Variants in GCNA observed in about 807,000 individuals in gnomAD.
GCNA encodes germ cell nuclear acidic peptidase.
GCNA carries 3 observed loss-of-function variants against 38.8 expected under a neutral mutation model. The ratio of observed to expected loss-of-function variants is 0.08; its 90% confidence interval spans 0.04 to 0.20. The LOEUF (loss-of-function observed/expected upper bound fraction) is 0.20, where lower values mean the gene tolerates loss of function less well. Ranked by LOEUF, GCNA falls within the 10% of genes least tolerant of loss-of-function variation. The pLI is 1.00. For synonymous variants in GCNA, 195 were observed against 240.2 expected (o/e 0.81, Z 1.74); for missense variants, 446 against 578.6 (o/e 0.77, Z 2.35).
At chrX:71,587,791 T>C (rs2040594534) in intron 2 of GCNA, among the ~76,000 whole-genome samples, 1 of 110,675 alleles carries the variant, frequency 9.0e-6, no homozygotes, top group Non-Finnish European at 1.9e-5. Context: ...GATTTCTTTT[T>C]TTTTTTTTAA....
chrX:71,582,010 A>C (rs1024675282), intron 2 of GCNA, among the ~76,000 whole-genome samples: 4 of 110,433 alleles, frequency 3.6e-5, no homozygotes, highest in Non-Finnish European at 7.6e-5. Context: ...TCAGACATTA[A>C]AATTTTCAGC....
At chrX:71,593,116 A>G (rs1330993806) in intron 4 of GCNA, among the ~76,000 whole-genome samples, 4 of 110,643 alleles carry the variant, frequency 3.6e-5, no homozygotes, top group African/African-American at 9.8e-5. Flanking sequence ...CTGGTCTTGA[A>G]CTCCTGACCT....
Position 71,605,607 on chromosome X carries a change from G to T in GCNA, c.1400-56G>T, listed in dbSNP as rs1304736802. 9 of 1,051,769 alleles carry T rather than the reference G, an allele frequency of 8.6e-6. No individual in the cohort carries two copies. The African/African-American group carries it at 1.7e-4, about 20-fold the overall frequency. The allele number at this position is 1,051,769 out of a possible 1,213,427, so 86.7% of individuals were successfully genotyped here. On this transcript the variant is annotated intron_variant, in intron 8 of 12. Transcript: ENST00000373696. ...TTGGGTTTACCTTTCTGTTGGTCTC[G>T]TGATGGTACCAATTTTCGGGGTACA...
At chrX:71,589,339 A>C (rs1022358815) in intron 2 of GCNA, among the ~76,000 whole-genome samples, 1 of 104,335 alleles carries the variant, frequency 9.6e-6, no homozygotes, top group Admixed American at 1.1e-4. Context: ...TACAGTGGCT[A>C]TTCACAGGTG....
chrX:71,578,878 G>A (rs1203554309), intron 1 of GCNA, among the ~76,000 whole-genome samples: 2 of 108,569 alleles, frequency 1.8e-5, no homozygotes, highest in Non-Finnish European at 3.9e-5. Context: ...GCCTGGTGGT[G>A]GCGTAGAAGG....
chrX:71,593,219 C>A (rs894512662), intron 4 of GCNA, among the ~76,000 whole-genome samples: 1 of 112,035 alleles, frequency 8.9e-6, no homozygotes, highest in African/African-American at 3.2e-5. Flanking sequence ...GTATGTAGAG[C>A]CTGGACTTCC....
chrX:71,606,290 G>A (rs1237709453), intron 9 of GCNA, among the ~76,000 whole-genome samples: 1 of 112,215 alleles, frequency 8.9e-6, no homozygotes, highest in East Asian at 2.8e-4. Flanking sequence ...GAATTTTTAA[G>A]CTTAAATATT....
At position 71,612,494 on chromosome X, in the gene GCNA, C is replaced by T; in HGVS notation, c.1890C>T (p.Val630=). ...GGATACACCCGGAGCTGCCCAGGGT[C>T]ACCCGTTGCCATAACTATAAGATTA... The part of the protein sequence containing the change: ...SNRIHPELPR[V]TRCHNYKINY... Residue 630 remains valine (V), a synonymous_variant, in exon 12 of 13, where the codon GTC becomes GTT. Coordinates refer to ENST00000373696, the MANE Select transcript of GCNA (RefSeq NM_052957.5). 2 of 1,209,782 alleles carry T rather than the reference C, an allele frequency of 1.7e-6. No homozygotes were observed. The highest frequency in any genetic ancestry group is 2.2e-6 in the Non-Finnish European group (2 of 894,847).
At chrX:71,586,182 A>G (rs1025563010) in intron 2 of GCNA, among the ~76,000 whole-genome samples, 2 of 104,906 alleles carry the variant, frequency 1.9e-5, no homozygotes, top group Non-Finnish European at 3.9e-5. Context: ...ACTTGGTATT[A>G]TGAAAGTCTA....
chrX:71,612,848 C>G lies in GCNA; in HGVS notation c.1956-14C>G, dbSNP rs758041632. The G allele has an allele frequency of 8.3e-7, 1 of 1,207,586 alleles. No homozygotes were observed. Among genetic ancestry groups the G allele is most frequent in the Admixed American group, 2.2e-5 (1 of 45,398 alleles). ...ACTGATTCTTTTGTTGTGTGTTGTT[C>G]CATTCCTTCCCAGGATTGGCTGCTA... On this transcript the variant is annotated splice_polypyrimidine_tract_variant and intron_variant, in intron 12 of 12. Transcript: ENST00000373696.
At chrX:71,584,880 GA>G (rs771977223) in intron 2 of GCNA, among the ~76,000 whole-genome samples, 3 of 110,471 alleles carry the variant, frequency 2.7e-5, no homozygotes, top group South Asian at 3.8e-4. Context: ...AATAAAAAAA[GA>G]AAAAAAATGA....
rs753980184 is a variant in GCNA, at chrX:71,598,128, T to C, written c.310+90T>C. On this transcript the variant is annotated intron_variant, in intron 7 of 12. Coordinates refer to ENST00000373696, the MANE Select transcript of GCNA (RefSeq NM_052957.5). Reference sequence around the variant, plus strand: ...TCAGGATCAGAGTCCGCAGACTTTCTATTCAGAATCCCTCAGTAGTGAGTG... The same window carrying C: ...TCAGGATCAGAGTCCGCAGACTTTCCATTCAGAATCCCTCAGTAGTGAGTG... 72 of 652,408 alleles carry C rather than the reference T, an allele frequency of 1.1e-4. No individual in the cohort carries two copies. In the Middle Eastern group the frequency reaches 2.2e-3, roughly 20 times the overall value. 53.8% of individuals were successfully genotyped at this position (652,408 alleles called of 1,213,427 possible). A position where few individuals can be genotyped will look rare whatever the true frequency, so the allele number is the denominator to read the frequency against.
Position 71,589,369 on chromosome X carries a change from C to T in GCNA, c.60-2753C>T, listed in dbSNP as rs1319225523. On this transcript the variant is annotated intron_variant, in intron 2 of 12. Coordinates refer to ENST00000373696, the MANE Select transcript of GCNA (RefSeq NM_052957.5). ...CAGGTGTGATCATGGTGCACTGAGGCCTCCACCTCCTGGGCTCATGCAGTC... is the reference window on the plus strand; with the variant it reads ...CAGGTGTGATCATGGTGCACTGAGGTCTCCACCTCCTGGGCTCATGCAGTC... Among the ~76,000 whole-genome samples the T allele has an allele frequency of 6.6e-5, 7 of 105,451 alleles. No individual in the cohort carries two copies. In the Admixed American group the frequency reaches 7.3e-4, roughly 11 times the overall value. 91.6% of individuals were successfully genotyped at this position (105,451 alleles called of 115,157 possible).
At chrX:71,611,034 C>G (rs751418097) in intron 11 of GCNA, among the ~76,000 whole-genome samples, 6 of 112,527 alleles carry the variant, frequency 5.3e-5, no homozygotes, top group Non-Finnish European at 1.1e-4. Context: ...CTGCCTTTCT[C>G]TCTGCATTTC....
intron 2 of GCNA, among the ~76,000 whole-genome samples, chrX:71,585,236 C>T (rs1361495102): frequency 2.7e-5 from 3 of 110,427 alleles, no homozygotes; most frequent in Non-Finnish European, 5.7e-5. Flanking sequence ...ATTGCTTGAG[C>T]CCAGCAGGTG....
At chrX:71,593,231 T>G (rs1292391876) in intron 4 of GCNA, among the ~76,000 whole-genome samples, 4 of 112,098 alleles carry the variant, frequency 3.6e-5, no homozygotes, top group Non-Finnish European at 7.5e-5. Context: ...TGGACTTCCT[T>G]ATAGCTATTA....
Position 71,591,862 on chromosome X carries a change from G to C in GCNA, c.60-260G>C, listed in dbSNP as rs749618571. Among the ~76,000 whole-genome samples, 12 of 112,124 alleles carry C rather than the reference G, an allele frequency of 1.1e-4. No individual in the cohort carries two copies. In the South Asian group the frequency reaches 4.1e-3, roughly 38 times the overall value. On this transcript the variant is annotated intron_variant, in intron 2 of 12. Transcript: ENST00000373696. ...CTTGGCAGAAAACAGGCTTTTCACT[G>C]ATAGCTAGCGATAACTCATCTAACA...
chrX:71,579,075 G>A (rs1024273170), intron 1 of GCNA, among the ~76,000 whole-genome samples: 1 of 106,962 alleles, frequency 9.3e-6, no homozygotes, highest in Non-Finnish European at 1.9e-5. Flanking sequence ...GGAAGTGGGA[G>A]CGCTGGTGGT....
Position 71,612,985 on chromosome X carries a change from A to G in GCNA, c.*3A>G. Reference sequence around the variant, plus strand: ...CCCGTATTGTGCCCCACGTGTGACCATTTGCTGTGTATGTGCAGAAGTATT... The same window carrying G: ...CCCGTATTGTGCCCCACGTGTGACCGTTTGCTGTGTATGTGCAGAAGTATT... On this transcript the variant is annotated 3_prime_UTR_variant, in exon 13 of 13. Transcript: ENST00000373696. 8.3e-7 allele frequency: 1 copy of G among 1,211,196 alleles called. No individual in the cohort carries two copies. Among genetic ancestry groups the G allele is most frequent in the Non-Finnish European group, 1.1e-6 (1 of 895,264 alleles).
Sources: allele counts gnomAD v4.1 joint callset (sites outside exome capture counted in the v4.1 genomes callset), GRCh38; gene constraint gnomAD v4.1.1; transcripts MANE v1.5; gene names NCBI Gene and HGNC (gene_info 2026-07-23, HGNC 2026-07-21).